AAK1: variants seen among roughly 807,000 people sequenced by gnomAD.
AAK1 encodes AP2-associated protein kinase 1.
A neutral mutation model predicts 116.0 loss-of-function variants in AAK1; 37 were observed. That is an observed-to-expected ratio of 0.32 (90% confidence interval 0.25 to 0.42). The LOEUF (loss-of-function observed/expected upper bound fraction) is 0.42. Among genes scored for constraint, AAK1 ranks in the 10% least tolerant of loss-of-function variants. The pLI is 1.00. For synonymous variants in AAK1, 458 were observed against 439.9 expected (o/e 1.04, Z -0.51); for missense variants, 919 against 1,170.6 (o/e 0.79, Z 3.14).
chr2:69,620,831 G>A (rs1237498179), intron 2 of AAK1, among the ~76,000 whole-genome samples: 1 of 152,150 alleles, frequency 6.6e-6, no homozygotes, highest in African/African-American at 2.4e-5. Flanking sequence ...CTTGACTAGT[G>A]ATTTGCAAAC....
At chr2:69,498,445 A>C (rs1227124913) in intron 16 of AAK1, among the ~76,000 whole-genome samples, 1 of 151,102 alleles carries the variant, frequency 6.6e-6, no homozygotes, top group Non-Finnish European at 1.5e-5. Flanking sequence ...GACATGGGAG[A>C]GTTTCCACCC....
Position 69,514,569 on chromosome 2 carries a change from G to T in AAK1, c.1678C>A (p.Gln560Lys), listed in dbSNP as rs1292012672. ...GTGGGCTTTTGCTGCAAGGCAGCCT[G>T]CTGAGTCATCAGCTGTTGTTGATGC... The part of the protein sequence containing the change: ...ALHQQQLMTQ[Q>K]AALQQKPTMA... The change falls in exon 13 of 22, where the codon CAG (glutamine) becomes AAG (lysine). Residue 560 changes from glutamine to lysine, a missense_variant. Coordinates refer to ENST00000409085, the MANE Select transcript of AAK1 (RefSeq NM_014911.5). 1.3e-6 allele frequency: 2 copies of T among 1,565,886 alleles called. No individual in the cohort carries two copies. The highest frequency in any genetic ancestry group is 1.9e-5 in the Admixed American group (1 of 51,834).
chr2:69,469,578 C>T lies in AAK1; in HGVS notation c.*6291G>A, dbSNP rs933512405. The T allele has an allele frequency of 1.1e-4, 108 of 985,396 alleles. No individual in the cohort carries two copies. The highest frequency in any genetic ancestry group is 5.2e-4 in the Middle Eastern group (1 of 1,914). The allele number at this position is 985,396 out of a possible 1,614,324, so 61.0% of individuals were successfully genotyped here. A position where few individuals can be genotyped will look rare whatever the true frequency, so the allele number is the denominator to read the frequency against. On this transcript the variant is annotated 3_prime_UTR_variant, in exon 22 of 22. Coordinates refer to ENST00000409085, the MANE Select transcript of AAK1 (RefSeq NM_014911.5). The stretch of plus-strand genomic sequence containing the variant: ...CCAGTTCCTTTGGTAACCAATGGCA[C>T]GTCATAGCAGATACCCTGTGGCCAT...
chr2:69,466,587 T>G lies in AAK1; in HGVS notation c.*9282A>C. On this transcript the variant is annotated 3_prime_UTR_variant, in exon 22 of 22. Coordinates refer to ENST00000409085, the MANE Select transcript of AAK1 (RefSeq NM_014911.5). Reference sequence around the variant, plus strand: ...ATAAAATGCAGAATTAATGTGTAGGTCAATTCAACTCTATTTGGAACATTT... The same window carrying G: ...ATAAAATGCAGAATTAATGTGTAGGGCAATTCAACTCTATTTGGAACATTT... 1 of 1,151,178 alleles carries G rather than the reference T, an allele frequency of 8.7e-7. No homozygotes were observed. Among genetic ancestry groups the G allele is most frequent in the Non-Finnish European group, 1.1e-6 (1 of 920,892 alleles). 71.3% of individuals were successfully genotyped at this position (1,151,178 alleles called of 1,614,324 possible).
chr2:69,629,768 C>T (rs540443161), intron 2 of AAK1, among the ~76,000 whole-genome samples: 3 of 152,090 alleles, frequency 2.0e-5, no homozygotes, highest in South Asian at 2.1e-4. Flanking sequence ...TTCAAATTTA[C>T]GAGTACTCAA....
At chr2:69,550,556 G>T (rs907445848) in intron 3 of AAK1, among the ~76,000 whole-genome samples, 1 of 151,840 alleles carries the variant, frequency 6.6e-6, no homozygotes, top group South Asian at 2.1e-4. Context: ...ACCGCCCAAA[G>T]TGCTGGGAGT....
At chr2:69,541,541 T>C (rs1670723252) in intron 5 of AAK1, among the ~76,000 whole-genome samples, 2 of 152,236 alleles carry the variant, frequency 1.3e-5, no homozygotes, top group South Asian at 2.1e-4. Flanking sequence ...CTGAATTATA[T>C]ACTTTAAAGC....
At position 69,467,734 on chromosome 2, in the gene AAK1, T is replaced by G. The variant is rs1674536534; in HGVS notation, c.*8135A>C. 6 of 985,238 alleles carry G rather than the reference T, an allele frequency of 6.1e-6. No homozygotes were observed. The South Asian group carries it at 2.8e-4, about 46-fold the overall frequency. The allele number at this position is 985,238 out of a possible 1,614,324, so 61.0% of individuals were successfully genotyped here. On this transcript the variant is annotated 3_prime_UTR_variant, in exon 22 of 22. Coordinates refer to ENST00000409085, the MANE Select transcript of AAK1 (RefSeq NM_014911.5). The stretch of plus-strand genomic sequence containing the variant: ...AGCTAGCAGAAATTTCTGCCAAAAA[T>G]TATCCCCTGCTAAAGTTTCTGCATG...
At chr2:69,566,533 T>A (rs1286780902) in intron 2 of AAK1, among the ~76,000 whole-genome samples, 1 of 152,036 alleles carries the variant, frequency 6.6e-6, no homozygotes, top group Non-Finnish European at 1.5e-5. Context: ...CGGTGGTGGT[T>A]GTGGAGGTGG....
At position 69,525,079 on chromosome 2, in the gene AAK1, C is replaced by T; in HGVS notation, c.1009G>A (p.Val337Met). 1.2e-6 allele frequency: 2 copies of T among 1,614,014 alleles called. No individual in the cohort carries two copies. Among genetic ancestry groups the T allele is most frequent in the Non-Finnish European group, 1.7e-6 (2 of 1,179,878 alleles). ...TTTGCAGCTGCCTCACTGGCTTTCA[C>T]TGGTTCAGGAAGCTTTGCAGGAATG... The part of the protein sequence containing the change: ...SPIPAKLPEP[V>M]KASEAAAKKT... The change falls in exon 10 of 22, where the codon GTG (valine) becomes ATG (methionine). Residue 337 changes from valine to methionine, a missense_variant. Val to Met is a conservative substitution (Grantham distance 21). Coordinates refer to ENST00000409085, the MANE Select transcript of AAK1 (RefSeq NM_014911.5).
intron 3 of AAK1, among the ~76,000 whole-genome samples, chr2:69,546,266 G>C (rs148164551): frequency 8.2e-4 from 125 of 152,304 alleles, no homozygotes; most frequent in African/African-American, 2.9e-3. Flanking sequence ...AGTTTGATGA[G>C]ACAAAAGACT....
rs1173840680 is a variant in AAK1, at chr2:69,519,013, G to A, written c.1438C>T (p.Pro480Ser). The A allele has an allele frequency of 2.6e-6, 4 of 1,549,996 alleles. No homozygotes were observed. The highest frequency in any genetic ancestry group is 2.0e-5 in the Admixed American group (1 of 50,982). Reference sequence around the variant, plus strand: ...GTGCCTGCCGGCTGCTGCTGTGCTGGCGGTGGCTGTTGCTGCTGCTGTTGC... The same window carrying A: ...GTGCCTGCCGGCTGCTGCTGTGCTGACGGTGGCTGTTGCTGCTGCTGTTGC... ...KQQQQQQQPP[P>S]AQQQPAGTFY... The change falls in exon 12 of 22, where the codon CCA (proline) becomes TCA (serine). Residue 480 changes from proline (P) to serine (S), a missense_variant. Physicochemically the swap from Pro to Ser is moderately conservative, Grantham distance 74. Transcript: ENST00000409085.
intron 17 of AAK1, among the ~76,000 whole-genome samples, chr2:69,492,743 C>T (rs1675578604): frequency 6.6e-6 from 1 of 151,444 alleles, no homozygotes; most frequent in African/African-American, 2.4e-5. Flanking sequence ...AGGCTGGTTT[C>T]GAACTCCTGA....
chr2:69,602,659 C>T (rs145761001), intron 2 of AAK1, among the ~76,000 whole-genome samples: 50 of 152,090 alleles, frequency 3.3e-4, no homozygotes, highest in South Asian at 8.3e-4. Flanking sequence ...CCCCCTGAGG[C>T]GCTCCTGACC....
chr2:69,479,113 C>T, intron 19 of AAK1, 52 bp from the exon 20 acceptor site: 1 of 1,198,220 alleles, frequency 8.3e-7, no homozygotes, highest in Non-Finnish European at 1.2e-6. Context: ...AAGTGGCACA[C>T]ACAACAATAT....
chr2:69,478,666 C>T, intron 20 of AAK1: 1 of 321,670 alleles, frequency 3.1e-6, no homozygotes, highest in Non-Finnish European at 5.8e-6. Flanking sequence ...GTTGTCCAGG[C>T]TGGTCTCAAA....
chr2:69,546,162 C>T (rs75463241), intron 3 of AAK1, among the ~76,000 whole-genome samples: 84 of 151,512 alleles, frequency 5.5e-4, no homozygotes, highest in East Asian at 3.5e-3. Context: ...TGGTTTAAGG[C>T]GGAAGAAAAA....
At chr2:69,617,469 T>G (rs749980533) in intron 2 of AAK1, among the ~76,000 whole-genome samples, 3 of 152,242 alleles carry the variant, frequency 2.0e-5, no homozygotes, top group Non-Finnish European at 4.4e-5. Flanking sequence ...ATTCTAAGTT[T>G]AATGCATTAA....
At chr2:69,554,540 G>A (rs1671312333) in intron 3 of AAK1, among the ~76,000 whole-genome samples, 1 of 152,192 alleles carries the variant, frequency 6.6e-6, no homozygotes, top group Non-Finnish European at 1.5e-5. Flanking sequence ...AAGTTTACTG[G>A]TGTTTTCAAA....
Sources: gnomAD v4.1 joint callset for allele counts (sites outside exome capture counted in the v4.1 genomes callset) on GRCh38, gnomAD v4.1.1 for gene constraint, MANE v1.5 for transcripts, NCBI Gene and HGNC (gene_info 2026-07-23, HGNC 2026-07-21) for gene names.